Variants in KCNT2 observed in about 807,000 individuals in gnomAD.
KCNT2 encodes the protein potassium sodium-activated channel subfamily T member 2, also known as potassium channel subfamily T member 2.
In KCNT2, 67 loss-of-function variants were observed where a neutral mutation model predicts 153.8. The observed-to-expected ratio is 0.44, with a 90% confidence interval of 0.36 to 0.53. The LOEUF is 0.53. Among genes scored for constraint, KCNT2 ranks in the 20% least tolerant of loss-of-function variants. The pLI, the probability that KCNT2 is intolerant of heterozygous loss-of-function variation, is 0.00. For synonymous variants in KCNT2, 500 were observed against 458.8 expected (o/e 1.09, Z -1.15); for missense variants, 975 against 1,354.8 (o/e 0.72, Z 4.40).
intron 18 of KCNT2, among the ~76,000 whole-genome samples, chr1:196,327,967 G>C (rs899839153): frequency 5.3e-5 from 8 of 151,868 alleles, no homozygotes; most frequent in African/African-American, 1.9e-4. Flanking sequence ...CATTATTCTT[G>C]AATAAAAAAA....
At chr1:196,354,207 A>T (rs1453429659) in intron 14 of KCNT2, among the ~76,000 whole-genome samples, 3 of 151,810 alleles carry the variant, frequency 2.0e-5, no homozygotes, top group Admixed American at 1.3e-4. Context: ...CTGCCTTTAA[A>T]ATTGTAAAAT....
intron 1 of KCNT2, among the ~76,000 whole-genome samples, chr1:196,513,756 G>A (rs551052155): frequency 6.6e-6 from 1 of 152,188 alleles, no homozygotes; most frequent in South Asian, 2.1e-4. Flanking sequence ...TTATTATAAT[G>A]TGTTGAAACT....
chr1:196,598,699 C>A (rs1458266948), intron 1 of KCNT2, among the ~76,000 whole-genome samples: 1 of 152,090 alleles, frequency 6.6e-6, no homozygotes, highest in Non-Finnish European at 1.5e-5. Flanking sequence ...ATTCTAGTTA[C>A]CTCTTACAGG....
At chr1:196,599,675 C>T (rs553063775) in intron 1 of KCNT2, among the ~76,000 whole-genome samples, 1 of 152,256 alleles carries the variant, frequency 6.6e-6, no homozygotes, top group African/African-American at 2.4e-5. Flanking sequence ...TGCTGCCAGG[C>T]GATTGTCCCC....
chr1:196,604,118 A>G (rs1473655892), intron 1 of KCNT2, among the ~76,000 whole-genome samples: 1 of 152,198 alleles, frequency 6.6e-6, no homozygotes, highest in Non-Finnish European at 1.5e-5. Flanking sequence ...TATCTCTAAT[A>G]TGTGATTTCA....
At chr1:196,242,260 A>C (rs1655027510) in intron 26 of KCNT2, among the ~76,000 whole-genome samples, 1 of 152,234 alleles carries the variant, frequency 6.6e-6, no homozygotes, top group East Asian at 1.9e-4. Context: ...TGTCAACTAA[A>C]AGGTTTTATA....
intron 11 of KCNT2, among the ~76,000 whole-genome samples, chr1:196,424,555 A>G (rs1206116056): frequency 1.3e-5 from 2 of 151,964 alleles, no homozygotes; most frequent in African/African-American, 4.8e-5. Flanking sequence ...GAACTGTCAC[A>G]TGTACAATGA....
At chr1:196,513,492 A>G (rs1448868210) in intron 1 of KCNT2, among the ~76,000 whole-genome samples, 1 of 152,238 alleles carries the variant, frequency 6.6e-6, no homozygotes, top group Non-Finnish European at 1.5e-5. Flanking sequence ...CTAGCACACT[A>G]TGATATCGCT....
At chr1:196,413,307 G>GT (rs756771574) in intron 12 of KCNT2, among the ~76,000 whole-genome samples, 105 of 151,700 alleles carry the variant, frequency 6.9e-4, no homozygotes, top group Non-Finnish European at 1.3e-3. Context: ...CTGAGACTTG[G>GT]TTTTCTCATC....
At chr1:196,423,005 T>G in intron 12 of KCNT2, 45 bp downstream of exon 12, 1 of 1,279,966 alleles carries the variant, frequency 7.8e-7, no homozygotes, top group African/African-American at 1.5e-5. Context: ...AAAAATCTTC[T>G]AAAATGGAAA....
At chr1:196,335,877 G>A (rs1664975753) in intron 16 of KCNT2, among the ~76,000 whole-genome samples, 2 of 152,092 alleles carry the variant, frequency 1.3e-5, no homozygotes, top group Non-Finnish European at 2.9e-5. Context: ...TTCTACTGAT[G>A]ATACCAGAGT....
chr1:196,443,422 A>T (rs1355990910), intron 8 of KCNT2, among the ~76,000 whole-genome samples: 1 of 151,548 alleles, frequency 6.6e-6, no homozygotes, highest in East Asian at 1.9e-4. Flanking sequence ...GCAGCTAAAC[A>T]TTATACATTG....
intron 1 of KCNT2, among the ~76,000 whole-genome samples, chr1:196,560,085 T>A (rs1238121736): frequency 6.6e-6 from 1 of 151,884 alleles, no homozygotes; most frequent in Non-Finnish European, 1.5e-5. Flanking sequence ...CATTCATTCA[T>A]CTAAAAAGTT....
At chr1:196,415,160 A>T (rs1197960026) in intron 12 of KCNT2, among the ~76,000 whole-genome samples, 1 of 151,888 alleles carries the variant, frequency 6.6e-6, no homozygotes, top group African/African-American at 2.4e-5. Flanking sequence ...CTACAAAATG[A>T]TACAAACAAA....
chr1:196,342,063 T>C lies in KCNT2; in HGVS notation c.1553+16A>G, dbSNP rs777156996. 1.1e-5 allele frequency: 18 copies of C among 1,590,188 alleles called. No homozygotes were observed. Among genetic ancestry groups the C allele is most frequent in the Non-Finnish European group, 1.4e-5 (16 of 1,168,612 alleles). On this transcript the variant is annotated intron_variant, in intron 15 of 27. Coordinates refer to ENST00000294725, the MANE Select transcript of KCNT2 (RefSeq NM_198503.5). The stretch of plus-strand genomic sequence containing the variant: ...ACTGATTGATATTTTAATTTTTCTC[T>C]GAGGCAGAAACATACTTTTTGTGTG...
intron 26 of KCNT2, among the ~76,000 whole-genome samples, chr1:196,237,700 C>A (rs904196591): frequency 6.6e-6 from 1 of 151,608 alleles, no homozygotes; most frequent in Non-Finnish European, 1.5e-5. Flanking sequence ...ACTAAAATAT[C>A]TTTGTTGTTT....
At chr1:196,493,112 A>T (rs2148736220) in intron 1 of KCNT2, among the ~76,000 whole-genome samples, 1 of 152,306 alleles carries the variant, frequency 6.6e-6, no homozygotes, top group Admixed American at 6.5e-5. Flanking sequence ...CAAAATACTA[A>T]GTGAAAAGAG....
chr1:196,411,292 C>A (rs935108874), intron 12 of KCNT2, among the ~76,000 whole-genome samples: 1 of 150,910 alleles, frequency 6.6e-6, no homozygotes, highest in Non-Finnish European at 1.5e-5. Flanking sequence ...TATGCTGGTA[C>A]CATGTGGTTT....
intron 14 of KCNT2, among the ~76,000 whole-genome samples, chr1:196,368,557 G>GT (rs1668235688): frequency 6.6e-6 from 1 of 152,068 alleles, no homozygotes; most frequent in Admixed American, 6.6e-5. Context: ...TGTAGAAATT[G>GT]TTTTTTCAGA....
Sources: allele counts gnomAD v4.1 joint callset (sites outside exome capture counted in the v4.1 genomes callset), GRCh38; gene constraint gnomAD v4.1.1; transcripts MANE v1.5; gene names NCBI Gene and HGNC (gene_info 2026-07-23, HGNC 2026-07-21).